The following CEP170B variants were observed in gnomAD, a reference collection of about 807,000 sequenced individuals.
CEP170B encodes centrosomal protein 170B.
Under a neutral mutation model 120.6 loss-of-function variants are expected in CEP170B, and 55 were observed. The observed-to-expected ratio is 0.46, with a 90% CI of 0.37 to 0.57. CEP170B has a LOEUF of 0.57. Among genes scored for constraint, CEP170B ranks in the 20% least tolerant of loss-of-function variants. CEP170B has a pLI of 0.00. For synonymous variants in CEP170B, 1,033 were observed against 954.5 expected (o/e 1.08, Z -1.52); for missense variants, 2,212 against 2,253.3 (o/e 0.98, Z 0.37).
rs778507302 is a variant in CEP170B at position 104,886,432 on chromosome 14, G to A, written c.2193G>A (p.Glu731=). ...CTGGGCCACCGGAGCTGGACAGTGA[G>A]CAGCCCAGCCGCCTCTTCGGCCAGG... The part of the protein sequence containing the change: ...SGPGPPELDS[E]QPSRLFGQEE... The change falls in exon 12 of 19, where the codon GAG becomes GAA. Residue 731 remains glutamate, a synonymous_variant. Transcript: ENST00000414716. 8.2e-6 allele frequency: 13 copies of A among 1,577,508 alleles called. No individual in the cohort carries two copies. Among genetic ancestry groups the A allele is most frequent in the Middle Eastern group, 1.7e-4 (1 of 6,002 alleles).
rs1408526126 is a variant in CEP170B, at chr14:104,865,346, G to A, written c.-195G>A. On this transcript the variant is annotated 5_prime_UTR_variant, in exon 1 of 19. Transcript: ENST00000414716. This position sits in a 1 kb window ranked among gnomAD's most constrained non-coding sequence, Gnocchi z 6.7. The stretch of plus-strand genomic sequence containing the variant: ...GGCCCGGGCTGCCACGAGCGTGCGG[G>A]CCTCGCCGGGCATGTCCTAGGCGGC... The A allele has an allele frequency of 6.8e-6, 1 of 146,336 alleles. No individual in the cohort carries two copies. Among genetic ancestry groups the A allele is most frequent in the African/African-American group, 2.5e-5 (1 of 40,258 alleles). 9.1% of individuals were successfully genotyped at this position (146,336 alleles called of 1,614,324 possible).
At chr14:104,888,883 T>A (rs939071131) in intron 12 of CEP170B, among the ~76,000 whole-genome samples, 4 of 152,124 alleles carry the variant, frequency 2.6e-5, no homozygotes, top group African/African-American at 7.2e-5. Flanking sequence ...GGGTCACCCC[T>A]GCTTGGTGGA....
rs1339907991 is a variant in CEP170B at position 104,872,424 on chromosome 14, CGTGCGTGT to C, written c.106-3820_106-3813del. Among the ~76,000 whole-genome samples, 5 of 53,346 alleles carry C rather than the reference CGTGCGTGT, an allele frequency of 9.4e-5. 1 individual carries two copies. Among genetic ancestry groups the C allele is most frequent in the African/African-American group, 3.0e-4 (5 of 16,606 alleles). 35.0% of individuals were successfully genotyped at this position (53,346 alleles called of 152,430 possible). On this transcript the variant is annotated intron_variant, in intron 2 of 18. Transcript: ENST00000414716. ...GTGCGTGGGTGTGCCGTGGGTGTGC[CGTGCGTGT>C]GTGCGTGTGTGTGCCATGTGTGTGC...
chr14:104,895,218 C>T lies in CEP170B; in HGVS notation c.*260C>T. On this transcript the variant is annotated 3_prime_UTR_variant, in exon 19 of 19. Transcript: ENST00000414716. Reference sequence around the variant, plus strand: ...CTGGGCCCAGCTCCTGGCCAGGCTGCTGCCAAGGTCAAGCCCTCAAGGGCA... The same window carrying T: ...CTGGGCCCAGCTCCTGGCCAGGCTGTTGCCAAGGTCAAGCCCTCAAGGGCA... 2.2e-6 allele frequency: 1 copy of T among 460,912 alleles called. No homozygotes were observed. Among genetic ancestry groups the T allele is most frequent in the Non-Finnish European group, 3.8e-6 (1 of 263,398 alleles). The allele number at this position is 460,912 out of a possible 1,614,324, so 28.6% of individuals were successfully genotyped here. A position where few individuals can be genotyped will look rare whatever the true frequency, so the allele number is the denominator to read the frequency against.
chr14:104,876,504 T>G, intron 3 of CEP170B, among the ~76,000 whole-genome samples, 159 bp downstream of exon 3: 1 of 42,420 alleles, frequency 2.4e-5, no homozygotes, highest in Non-Finnish European at 4.5e-5. Context: ...TAGCCCCTCC[T>G]TCTCAGCCCT....
Position 104,893,954 on chromosome 14 carries a change from C to G in CEP170B, c.4271+105C>G, listed in dbSNP as rs185909273. ...CTCAAGGGCAGCGGTTTCATGGGTA[C>G]TCGTGTGCACCTGTGGAGCAGCCCT... is the stretch of plus-strand genomic sequence containing the variant. On this transcript the variant is annotated intron_variant, in intron 16 of 18. Coordinates refer to ENST00000414716, the MANE Select transcript of CEP170B (RefSeq NM_001112726.3). The G allele has an allele frequency of 4.3e-3, 4,531 of 1,041,868 alleles. 19 individuals carry two copies. Among genetic ancestry groups the G allele is most frequent in the South Asian group, 7.0e-3 (495 of 71,156 alleles). 64.5% of individuals were successfully genotyped at this position (1,041,868 alleles called of 1,614,324 possible).
chr14:104,872,277 G>A lies in CEP170B; in HGVS notation c.105+3722G>A, dbSNP rs527587221. On this transcript the variant is annotated intron_variant, in intron 2 of 18. Transcript: ENST00000414716. ...CCATGTGTGTGCGTGTGGGTGTGCC[G>A]TGTGTGTGCCGCGTGTGTGTGCCAT... 1.4e-3 allele frequency among the ~76,000 whole-genome samples: 154 copies of A among 111,182 alleles called. 1 individual carries two copies. The highest frequency in any genetic ancestry group is 5.3e-3 in the African/African-American group (143 of 27,106). The allele number at this position is 111,182 out of a possible 152,430, so 72.9% of individuals were successfully genotyped here.
In CEP170B at chr14:104,884,450, A is replaced by G. The variant is rs1455081655; in HGVS notation, c.1671A>G (p.Lys557=). The change falls in exon 9 of 19, where the codon AAA becomes AAG. Residue 557 remains lysine (K), a synonymous_variant. Coordinates refer to ENST00000414716, the MANE Select transcript of CEP170B (RefSeq NM_001112726.3). ...PTDPQLTKAR[K]QEEDDSLSDA... ...ACCCCCAGCTGACCAAGGCACGGAA[A>G]CAGGAGGAGGACGACAGCCTCAGTG... 6.4e-7 allele frequency: 1 copy of G among 1,555,254 alleles called. No individual in the cohort carries two copies. Among genetic ancestry groups the G allele is most frequent in the Non-Finnish European group, 8.7e-7 (1 of 1,149,628 alleles).
At chr14:104,872,509 AGT>A (rs1377015496) in intron 2 of CEP170B, among the ~76,000 whole-genome samples, 6 of 105,710 alleles carry the variant, frequency 5.7e-5, no homozygotes, top group African/African-American at 1.9e-4. Context: ...TGCGTGTGTA[AGT>A]GTGCATGTGC....
rs1019422615 is a variant in CEP170B, at chr14:104,886,908, C to G, written c.2669C>G (p.Pro890Arg). The G allele has an allele frequency of 8.1e-6, 13 of 1,610,124 alleles. No individual in the cohort carries two copies. Among genetic ancestry groups the G allele is most frequent in the Non-Finnish European group, 1.1e-5 (13 of 1,179,806 alleles). The change falls in exon 12 of 19, where the codon CCG becomes CGG. Residue 890 changes from proline to arginine, a missense_variant. Pro to Arg is a moderately radical substitution (Grantham distance 103). This residue lies in a region of CEP170B where 2,166 missense variants were observed against 2,166.7 expected (regional missense o/e 1.00). Coordinates refer to ENST00000414716, the MANE Select transcript of CEP170B (RefSeq NM_001112726.3). ...AAGCCCCCCCACATCTCCAGCCACC[C>G]GCTTCTACAGGACCTGGCCGCTACC... ...PGKPPHISSH[P>R]LLQDLAATRA...
intron 2 of CEP170B, among the ~76,000 whole-genome samples, chr14:104,871,277 C>A (rs1895470011): frequency 6.6e-6 from 1 of 152,180 alleles, no homozygotes. Context: ...GCACTGGGGC[C>A]TCTCAGAGGC....
At position 104,883,172 on chromosome 14, in the gene CEP170B, C is replaced by G; in HGVS notation, c.715C>G (p.Pro239Ala). Residue 239 changes from proline to alanine, a missense_variant, in exon 8 of 19, where the codon CCC (proline) becomes GCC (alanine). Pro to Ala is a conservative substitution (Grantham distance 27, BLOSUM62 -1). Around this residue, in one of 2 missense-constraint regions of CEP170B, gnomAD observed 2,166 missense variants for 2,166.7 expected, o/e 1.00. Transcript: ENST00000414716. ...GAAGGAGACCCCGCAGCCGTCGCAG[C>G]CCCCCGAGGTGCCGGCACACGAGAT... ...PTKETPQPSQ[P>A]PEVPAHEMPT... The G allele has an allele frequency of 6.2e-7, 1 of 1,600,448 alleles. No homozygotes were observed. Among genetic ancestry groups the G allele is most frequent in the African/African-American group, 1.4e-5 (1 of 71,632 alleles).
chr14:104,895,345 G>A lies in CEP170B; in HGVS notation c.*387G>A, dbSNP rs1042074250. On this transcript the variant is annotated 3_prime_UTR_variant, in exon 19 of 19. Transcript: ENST00000414716. Reference sequence around the variant, plus strand: ...GCCCCCTCCAGGCCTGACTGGCTCCGCCAGGCACTAACCTGCCATAACCCT... The same window carrying A: ...GCCCCCTCCAGGCCTGACTGGCTCCACCAGGCACTAACCTGCCATAACCCT... 8.0e-5 allele frequency: 15 copies of A among 186,430 alleles called. No homozygotes were observed. The highest frequency in any genetic ancestry group is 2.3e-4 in the African/African-American group (10 of 42,708). 11.5% of individuals were successfully genotyped at this position (186,430 alleles called of 1,614,324 possible).
At chr14:104,878,944 C>T (rs1055601654) in intron 5 of CEP170B, among the ~76,000 whole-genome samples, 5 of 152,186 alleles carry the variant, frequency 3.3e-5, no homozygotes, top group Non-Finnish European at 5.9e-5. Context: ...CTGCTGGGGT[C>T]ACCCTGCAGG....
At chr14:104,877,998 T>G (rs376474410) in intron 4 of CEP170B, 35 bp downstream of exon 4, 21 of 1,544,806 alleles carry the variant, frequency 1.4e-5, no homozygotes, top group Admixed American at 3.5e-5. Context: ...CTCCTGGGCT[T>G]CTTCTCAGTC....
chr14:104,878,025 C>A, intron 4 of CEP170B, 62 bp downstream of exon 4: 1 of 1,314,278 alleles, frequency 7.6e-7, no homozygotes, highest in Non-Finnish European at 1.1e-6. Flanking sequence ...ACCACAGTCA[C>A]CCTGTTACTC....
chr14:104,889,910 A>T (rs1896708195), intron 13 of CEP170B, among the ~76,000 whole-genome samples, 152 bp downstream of exon 13: 1 of 93,796 alleles, frequency 1.1e-5, no homozygotes. Context: ...GGACAAATGG[A>T]TGGATGGATG....
At chr14:104,881,300 A>G (rs539406388) in intron 6 of CEP170B, among the ~76,000 whole-genome samples, 1 of 152,152 alleles carries the variant, frequency 6.6e-6, no homozygotes, top group Admixed American at 6.5e-5. Flanking sequence ...GGGGTGGGGT[A>G]TCCAAGCCTG....
rs1595359349 is a variant in CEP170B, at chr14:104,891,052, T to G, written c.3878+1294T>G. ...ATGGATGGATGGATGGATGGATGAG[T>G]GGGTGGGTGGATGGATGGATGGATG... On this transcript the variant is annotated intron_variant, in intron 13 of 18. Coordinates refer to ENST00000414716, the MANE Select transcript of CEP170B (RefSeq NM_001112726.3). This position sits in a 1 kb window ranked among gnomAD's most constrained non-coding sequence, Gnocchi z 4.3. Among the ~76,000 whole-genome samples, 1 of 118,210 alleles carries G rather than the reference T, an allele frequency of 8.5e-6. No individual in the cohort carries two copies. The highest frequency in any genetic ancestry group is 3.4e-5 in the African/African-American group (1 of 29,288). The allele number at this position is 118,210 out of a possible 152,430, so 77.6% of individuals were successfully genotyped here. A position where few individuals can be genotyped will look rare whatever the true frequency, so the allele number is the denominator to read the frequency against.
Sources: gnomAD v4.1 joint callset for allele counts (sites outside exome capture counted in the v4.1 genomes callset) on GRCh38, gnomAD v4.1.1 for gene constraint, gnomAD v4.1.1 regional missense constraint, Gnocchi (gnomAD v3.1) non-coding constraint, MANE v1.5 for transcripts, NCBI Gene and HGNC (gene_info 2026-07-23, HGNC 2026-07-21) for gene names.